The following WASF3 variants were observed in gnomAD, a reference collection of about 807,000 sequenced individuals.
WASF3 encodes WASP family member 3, also known as actin-binding protein WASF3.
A neutral mutation model predicts 46.6 loss-of-function variants in WASF3; 11 were observed. The ratio of observed to expected loss-of-function variants is 0.24; its 90% CI spans 0.15 to 0.39. The LOEUF (loss-of-function observed/expected upper bound fraction) is 0.39. WASF3 is among the 10% of genes least tolerant of loss of function. The probability of loss-of-function intolerance (pLI) is 1.00; values close to 1 mark genes in which losing one functional copy is unlikely to be tolerated. For missense variants in WASF3, 576 were observed against 669.8 expected, an observed-to-expected ratio of 0.86 and a Z score of 1.55; for synonymous variants, 242 against 259.7, an observed-to-expected ratio of 0.93 and a Z score of 0.65.
intron 1 of WASF3, among the ~76,000 whole-genome samples, chr13:26,580,930 T>C (rs1593378084): frequency 1.2e-5 from 1 of 84,210 alleles, no homozygotes; most frequent in East Asian, 4.2e-4. Context: ...CAGCATAAAT[T>C]TCTTTTTTTT....
At chr13:26,655,008 G>A (rs1221280998) in intron 3 of WASF3, among the ~76,000 whole-genome samples, 1 of 152,036 alleles carries the variant, frequency 6.6e-6, no homozygotes, top group Admixed American at 6.6e-5. Flanking sequence ...AATGATTTTA[G>A]ACTTTAAAAA....
intron 1 of WASF3, among the ~76,000 whole-genome samples, chr13:26,567,811 A>C (rs1321452960): frequency 1.3e-5 from 2 of 152,056 alleles, no homozygotes; most frequent in Non-Finnish European, 2.9e-5. Context: ...ATACGTGTAT[A>C]TATACGTGTG....
rs73168011 is a variant in WASF3, at chr13:26,618,529, A to G, written c.-11+5471A>G. On this transcript the variant is annotated intron_variant, in intron 2 of 9. Transcript: ENST00000335327. Reference sequence around the variant, plus strand: ...GTCTCTTTCATACATGTAGGACTACATAGTACTTTTTACTAAATGGCATAC... The same window carrying G: ...GTCTCTTTCATACATGTAGGACTACGTAGTACTTTTTACTAAATGGCATAC... Among the ~76,000 whole-genome samples, 1,348 of 142,024 alleles carry G rather than the reference A, an allele frequency of 9.5e-3. 10 individuals carry two copies. Among genetic ancestry groups the G allele is most frequent in the Middle Eastern group, 0.019 (5 of 270 alleles). The allele number at this position is 142,024 out of a possible 152,430, so 93.2% of individuals were successfully genotyped here.
chr13:26,568,953 A>G (rs1879553202), intron 1 of WASF3, among the ~76,000 whole-genome samples: 2 of 152,212 alleles, frequency 1.3e-5, no homozygotes, highest in African/African-American at 2.4e-5. Context: ...ACCCAATTAA[A>G]CTTTGGAGGA....
At chr13:26,577,584 A>G in intron 1 of WASF3, 2 of 1,129,602 alleles carry the variant, frequency 1.8e-6, no homozygotes, top group Non-Finnish European at 2.7e-6. Context: ...CTTCATGGTG[A>G]AGGCAGTAGT....
At chr13:26,635,420 A>G (rs1361291789) in intron 2 of WASF3, among the ~76,000 whole-genome samples, 1 of 152,160 alleles carries the variant, frequency 6.6e-6, no homozygotes, top group Non-Finnish European at 1.5e-5. Context: ...GCTTCCTTGC[A>G]ATGGGTTAGA....
the WASF3 span, among the ~76,000 whole-genome samples, chr13:26,546,810 C>T: frequency 8.5e-5 from 13 of 152,220 alleles, no homozygotes; most frequent in Non-Finnish European, 1.5e-5. Flanking sequence ...CTGGCTCCAG[C>T]GTGTGACCTT....
Position 26,564,900 on chromosome 13 carries a change from G to GTTTTTTTTTTTTTTTTTTTTTTTTTTTTT in WASF3, c.-109+7104_-109+7105insTTTTTTTTTTTTTTTTTTTTTTTTTTTTT, listed in dbSNP as rs66809412. Among the ~76,000 whole-genome samples, 13 of 81,630 alleles carry GTTTTTTTTTTTTTTTTTTTTTTTTTTTTT rather than the reference G, an allele frequency of 1.6e-4. 1 individual carries two copies. The highest frequency in any genetic ancestry group is 5.7e-4 in the South Asian group (1 of 1,760). 53.6% of individuals were successfully genotyped at this position (81,630 alleles called of 152,430 possible). ...AAAATATGTACATGACAAGGTTGTGGTTTTTTTTTTTTTTTTTTTTTTTGC... is the reference window on the plus strand; with the variant it reads ...AAAATATGTACATGACAAGGTTGTGGTTTTTTTTTTTTTTTTTTTTTTTTTTTTTTTTTTTTTTTTTTTTTTTTTTTTGC... On this transcript the variant is annotated intron_variant, in intron 1 of 9. Transcript: ENST00000335327.
At chr13:26,558,613 AAGGGAG>A (rs1879182935) in intron 1 of WASF3, among the ~76,000 whole-genome samples, 1 of 152,180 alleles carries the variant, frequency 6.6e-6, no homozygotes, top group Non-Finnish European at 1.5e-5. Flanking sequence ...GCCCCTCTGC[AAGGGAG>A]AGTTCCCTGG....
chr13:26,542,944 T>G, the WASF3 span, among the ~76,000 whole-genome samples: 2 of 152,188 alleles, frequency 1.3e-5, no homozygotes, highest in East Asian at 3.9e-4. Context: ...ATAAGGAGCC[T>G]GCAGTTTTAA....
upstream of WASF3, among the ~76,000 whole-genome samples, chr13:26,557,309 C>T (rs1879119732): frequency 6.6e-6 from 1 of 152,178 alleles, no homozygotes; most frequent in South Asian, 2.1e-4. Context: ...GACCTCTGTG[C>T]AGGAGCCCTC....
At chr13:26,683,353 G>A (rs954958969) in intron 9 of WASF3, among the ~76,000 whole-genome samples, 1 of 152,100 alleles carries the variant, frequency 6.6e-6, no homozygotes, top group Admixed American at 6.5e-5. Flanking sequence ...GCCTGAGCCT[G>A]TAGTCCCAGC....
chr13:26,614,114 G>A (rs550539310), intron 2 of WASF3, among the ~76,000 whole-genome samples: 6 of 152,132 alleles, frequency 3.9e-5, no homozygotes, highest in South Asian at 2.1e-4. Flanking sequence ...AGAATAACAC[G>A]TCTTTTGGTT....
chr13:26,672,647 C>G (rs1025865627), intron 6 of WASF3, among the ~76,000 whole-genome samples: 1 of 152,126 alleles, frequency 6.6e-6, no homozygotes, highest in Admixed American at 6.5e-5. Context: ...GAATAATTCT[C>G]TAAGGGCAAG....
At chr13:26,641,445 A>G (rs1233811801) in intron 2 of WASF3, 1 of 152,276 alleles carries the variant, frequency 6.6e-6, no homozygotes, top group Non-Finnish European at 1.5e-5. Context: ...CGTGCCACAC[A>G]GAAAGCCAAT....
chr13:26,613,326 G>A (rs1593148332), intron 2 of WASF3, among the ~76,000 whole-genome samples: 1 of 151,756 alleles, frequency 6.6e-6, no homozygotes. Context: ...ACATGATTAT[G>A]TAGTTTATGA....
chr13:26,557,229 A>T (rs773800784), upstream of WASF3, among the ~76,000 whole-genome samples: 1 of 152,236 alleles, frequency 6.6e-6, no homozygotes, highest in Non-Finnish European at 1.5e-5. Context: ...ACCCATGAAC[A>T]GGGCTACAGT....
At chr13:26,673,753 CAAAT>C (rs762249503) in intron 6 of WASF3, among the ~76,000 whole-genome samples, 10 of 152,142 alleles carry the variant, frequency 6.6e-5, no homozygotes, top group Admixed American at 1.3e-4. Context: ...CTTAATTACA[CAAAT>C]AAATATGAAG....
intron 1 of WASF3, among the ~76,000 whole-genome samples, chr13:26,582,015 A>G (rs1004962644): frequency 3.3e-5 from 5 of 152,244 alleles, no homozygotes; most frequent in African/African-American, 7.2e-5. Context: ...AAGTTCTTGA[A>G]CCAAATTTAT....
Sources: allele counts gnomAD v4.1 joint callset (sites outside exome capture counted in the v4.1 genomes callset), GRCh38; gene constraint gnomAD v4.1.1; transcripts MANE v1.5; gene names NCBI Gene and HGNC (gene_info 2026-07-23, HGNC 2026-07-21).